Variants in ASTN2 observed in about 807,000 individuals in gnomAD.
ASTN2 encodes astrotactin-2.
A neutral mutation model predicts 139.8 loss-of-function variants in ASTN2; 54 were observed. The ratio of observed to expected loss-of-function variants is 0.39; its 90% CI spans 0.31 to 0.48. The LOEUF (loss-of-function observed/expected upper bound fraction) is 0.48. ASTN2 is among the 20% of genes least tolerant of loss of function. ASTN2 has a pLI of 0.95. For synonymous variants in ASTN2, 756 were observed against 719.5 expected, an observed-to-expected ratio of 1.05 and a Z score of -0.81; for missense variants, 1,565 against 1,725.1, an observed-to-expected ratio of 0.91 and a Z score of 1.64.
intron 19 of ASTN2, among the ~76,000 whole-genome samples, chr9:116,578,333 T>C (rs1306121149): frequency 6.6e-6 from 1 of 152,186 alleles, no homozygotes; most frequent in Non-Finnish European, 1.5e-5. Context: ...TCTGTTTTTC[T>C]GATTCTGAGG....
intron 16 of ASTN2, among the ~76,000 whole-genome samples, chr9:116,718,308 A>T (rs571596161): frequency 6.6e-6 from 1 of 152,340 alleles, no homozygotes; most frequent in African/African-American, 2.4e-5. Context: ...AACGGCAGAA[A>T]GCACGGAGAC....
At chr9:117,188,644 C>T (rs1338268927) in intron 3 of ASTN2, among the ~76,000 whole-genome samples, 1 of 152,092 alleles carries the variant, frequency 6.6e-6, no homozygotes, top group Non-Finnish European at 1.5e-5. Context: ...GGCTTCTAGC[C>T]AAGTTACAGG....
chr9:116,797,374 G>A (rs1348225410), intron 13 of ASTN2, among the ~76,000 whole-genome samples: 1 of 152,114 alleles, frequency 6.6e-6, no homozygotes, highest in Non-Finnish European at 1.5e-5. Context: ...AGAAAACCTT[G>A]GAAACATGGA....
At chr9:117,003,530 G>GGTGTGTGTGT (rs11271769) in intron 7 of ASTN2, among the ~76,000 whole-genome samples, 3,577 of 103,272 alleles carry the variant, frequency 0.035, 362 homozygotes, top group African/African-American at 0.12. Flanking sequence ...TCTAAAGAGT[G>GGTGTGTGTGT]GTGTGTGTGT....
At chr9:116,564,509 G>A (rs1408799914) in intron 19 of ASTN2, among the ~76,000 whole-genome samples, 1 of 152,182 alleles carries the variant, frequency 6.6e-6, no homozygotes, top group African/African-American at 2.4e-5. Context: ...AAAGTCTACT[G>A]CAAGGCCATC....
At chr9:116,634,628 A>G (rs568297255) in intron 17 of ASTN2, among the ~76,000 whole-genome samples, 53 of 150,668 alleles carry the variant, frequency 3.5e-4, no homozygotes, top group Non-Finnish European at 5.5e-4. Flanking sequence ...AAGCAAAATA[A>G]TTTTTTAACA....
rs557532874 is a variant in ASTN2, at chr9:116,423,816, T to C, written c.*2035A>G. ...TGGATTGAAGTCCTGGGGAAAAAAA[T>C]GCGCTCAATATGTAGGTTATCAGGA... On this transcript the variant is annotated 3_prime_UTR_variant, in exon 23 of 23. Transcript: ENST00000313400. 2.2e-4 allele frequency among the ~76,000 whole-genome samples: 34 copies of C among 152,188 alleles called. No individual in the cohort carries two copies. Among genetic ancestry groups the C allele is most frequent in the Non-Finnish European group, 1.2e-4 (8 of 68,044 alleles).
At chr9:117,268,202 T>C (rs1201135257) in intron 2 of ASTN2, among the ~76,000 whole-genome samples, 1 of 152,166 alleles carries the variant, frequency 6.6e-6, no homozygotes, top group Non-Finnish European at 1.5e-5. Flanking sequence ...GTAAAAGCCA[T>C]GTATGTCCAC....
chr9:116,473,901 C>CAA (rs201726007), intron 20 of ASTN2, among the ~76,000 whole-genome samples: 93 of 133,716 alleles, frequency 7.0e-4, no homozygotes, highest in African/African-American at 2.5e-3. Flanking sequence ...GACTCTATCT[C>CAA]AAAAAAAAAA....
At chr9:116,758,163 G>C (rs927725322) in intron 13 of ASTN2, among the ~76,000 whole-genome samples, 8 of 152,186 alleles carry the variant, frequency 5.3e-5, no homozygotes, top group African/African-American at 1.9e-4. Flanking sequence ...AGAACTTTTA[G>C]AAGAGTGCCT....
chr9:117,305,906 T>A (rs994822469), intron 1 of ASTN2, among the ~76,000 whole-genome samples: 4 of 152,200 alleles, frequency 2.6e-5, no homozygotes, highest in Admixed American at 2.0e-4. Flanking sequence ...TCTGCAGCAG[T>A]GAATGTTGCT....
intron 17 of ASTN2, among the ~76,000 whole-genome samples, chr9:116,646,417 T>C (rs548551257): frequency 2.6e-5 from 4 of 152,238 alleles, no homozygotes; most frequent in South Asian, 2.1e-4. Context: ...GTAGAGATGA[T>C]AGAAAGATGG....
chr9:117,064,849 C>T (rs7848677), intron 5 of ASTN2, among the ~76,000 whole-genome samples: 19,360 of 151,970 alleles, frequency 0.13, 1,304 homozygotes, highest in East Asian at 0.19. Context: ...CGCCTAGTCA[C>T]TGGCCCCACC....
intron 14 of ASTN2, among the ~76,000 whole-genome samples, chr9:116,732,028 G>A (rs111276207): frequency 5.3e-5 from 8 of 152,136 alleles, no homozygotes; most frequent in Non-Finnish European, 1.2e-4. Context: ...GAAAATTAAG[G>A]AAGGCATAGA....
chr9:117,071,264 C>G (rs1234548563), intron 5 of ASTN2, among the ~76,000 whole-genome samples: 2 of 151,190 alleles, frequency 1.3e-5, no homozygotes, highest in African/African-American at 2.4e-5. Context: ...GTTGGAATAC[C>G]CTGCCGTGTG....
At chr9:116,903,897 C>T (rs996383929) in intron 10 of ASTN2, among the ~76,000 whole-genome samples, 1 of 152,164 alleles carries the variant, frequency 6.6e-6, no homozygotes, top group Non-Finnish European at 1.5e-5. Flanking sequence ...CAAGAAGGGG[C>T]CAGCTCTCAC....
At chr9:116,678,838 G>A (rs1859664051) in intron 16 of ASTN2, among the ~76,000 whole-genome samples, 1 of 152,142 alleles carries the variant, frequency 6.6e-6, no homozygotes, top group South Asian at 2.1e-4. Context: ...AACAGTTTAT[G>A]AAAATCTTAC....
intron 19 of ASTN2, among the ~76,000 whole-genome samples, chr9:116,596,809 G>C (rs769757520): frequency 1.3e-5 from 2 of 152,086 alleles, no homozygotes; most frequent in African/African-American, 4.8e-5. Flanking sequence ...ATGGGATTAA[G>C]ACTCACGTGC....
chr9:117,211,531 C>T (rs1015629126), intron 3 of ASTN2, among the ~76,000 whole-genome samples: 4 of 152,184 alleles, frequency 2.6e-5, no homozygotes, highest in African/African-American at 9.6e-5. Flanking sequence ...GCTTCCCTGT[C>T]GCTCTTTTGC....
Sources: gnomAD v4.1 joint callset for allele counts (sites outside exome capture counted in the v4.1 genomes callset) on GRCh38, gnomAD v4.1.1 for gene constraint, MANE v1.5 for transcripts, NCBI Gene and HGNC (gene_info 2026-07-23, HGNC 2026-07-21) for gene names.